The following CMSS1 variants were observed in gnomAD, a reference collection of about 807,000 sequenced individuals.
CMSS1 encodes the protein protein CMSS1.
CMSS1 carries 33 observed loss-of-function variants against 43.5 expected under a neutral mutation model. The observed-to-expected ratio is 0.76, with a 90% CI of 0.57 to 1.01. CMSS1 has a LOEUF of 1.01. Ranked by LOEUF, CMSS1 falls within the 50% of genes least tolerant of loss-of-function variation. The probability of loss-of-function intolerance (pLI) is 0.00; values close to 1 mark genes in which losing one functional copy is unlikely to be tolerated. For missense variants in CMSS1, 313 were observed against 326.4 expected (o/e 0.96, Z 0.32); for synonymous variants, 115 against 117.2 (o/e 0.98, Z 0.12).
intron 1 of CMSS1, among the ~76,000 whole-genome samples, chr3:99,843,088 A>G (rs186420645): frequency 6.6e-6 from 1 of 152,366 alleles, no homozygotes; most frequent in East Asian, 1.9e-4. Context: ...GAACCTTAGT[A>G]AACTACTTGT....
chr3:99,819,765 T>C (rs531434799), intron 1 of CMSS1, among the ~76,000 whole-genome samples: 1 of 151,610 alleles, frequency 6.6e-6, no homozygotes, highest in South Asian at 2.1e-4. Context: ...TTCTTTTTTT[T>C]TTTTTTTGAC....
chr3:100,014,895 C>CTTTTTTTT (rs1233573719), intron 1 of CMSS1, among the ~76,000 whole-genome samples: 40 of 25,008 alleles, frequency 1.6e-3, no homozygotes, highest in Non-Finnish European at 2.0e-3. Flanking sequence ...TTCTTTCTTT[C>CTTTTTTTT]TTTTTTTTTT....
intron 2 of CMSS1, among the ~76,000 whole-genome samples, chr3:100,157,622 C>T (rs2066987059): frequency 6.6e-6 from 1 of 152,212 alleles, no homozygotes; most frequent in Admixed American, 6.5e-5. Context: ...TCAGTAGTCT[C>T]CTGCCTGCAA....
In CMSS1 at chr3:100,147,265, CTT is replaced by C. The variant is rs71132514; in HGVS notation, c.153+226_153+227del. On this transcript the variant is annotated intron_variant, in intron 2 of 9. Transcript: ENST00000421999. ...TCTGTTTTTTGCCCTAATTCTTTTT[CTT>C]TTTTTTTTTTTTTTTTTTTTTGAGA... 5.4e-3 allele frequency among the ~76,000 whole-genome samples: 468 copies of C among 86,838 alleles called. 3 individuals carry two copies. The highest frequency in any genetic ancestry group is 0.018 in the African/African-American group (396 of 22,292). The allele number at this position is 86,838 out of a possible 152,430, so 57.0% of individuals were successfully genotyped here. A position where few individuals can be genotyped will look rare whatever the true frequency, so the allele number is the denominator to read the frequency against.
chr3:100,117,346 A>G (rs2066579620), intron 1 of CMSS1, among the ~76,000 whole-genome samples: 1 of 152,156 alleles, frequency 6.6e-6, no homozygotes, highest in Admixed American at 6.5e-5. Flanking sequence ...TGAAAGATTA[A>G]GTAATCTTTC....
chr3:99,847,291 A>C (rs1943408268), intron 1 of CMSS1, among the ~76,000 whole-genome samples: 1 of 151,936 alleles, frequency 6.6e-6, no homozygotes, highest in Non-Finnish European at 1.5e-5. Context: ...ACCTACATTA[A>C]GTAATTCAAA....
intron 1 of CMSS1, among the ~76,000 whole-genome samples, chr3:100,019,512 A>T (rs2064767726): frequency 6.6e-6 from 1 of 152,198 alleles, no homozygotes; most frequent in Non-Finnish European, 1.5e-5. Flanking sequence ...TTAATTTCTA[A>T]AAAGATTTTT....
intron 1 of CMSS1, among the ~76,000 whole-genome samples, chr3:100,034,758 A>G (rs1055526814): frequency 6.6e-6 from 1 of 152,216 alleles, no homozygotes; most frequent in Non-Finnish European, 1.5e-5. Flanking sequence ...AGTTTTCCTA[A>G]TGGGAAGGAG....
At chr3:99,867,655 G>T (rs1286276451) in intron 1 of CMSS1, among the ~76,000 whole-genome samples, 4 of 152,078 alleles carry the variant, frequency 2.6e-5, no homozygotes, top group African/African-American at 9.7e-5. Context: ...TGTCTCTAAG[G>T]TCTACAAAGC....
intron 1 of CMSS1, among the ~76,000 whole-genome samples, chr3:99,858,477 TA>T (rs958494185): frequency 1.3e-5 from 2 of 151,818 alleles, no homozygotes; most frequent in Non-Finnish European, 2.9e-5. Context: ...AAATAAAATT[TA>T]AAAAAAATCA....
chr3:100,035,696 G>T (rs2065096617), intron 1 of CMSS1, among the ~76,000 whole-genome samples: 1 of 152,138 alleles, frequency 6.6e-6, no homozygotes, highest in East Asian at 1.9e-4. Context: ...TGATATAGGG[G>T]TATTTCTTGA....
intron 2 of CMSS1, among the ~76,000 whole-genome samples, chr3:100,155,678 A>C (rs1576111965): frequency 1.3e-5 from 2 of 152,266 alleles, no homozygotes; most frequent in Non-Finnish European, 2.9e-5. Flanking sequence ...TACAGCCTTC[A>C]GTATCTGCAG....
At chr3:100,129,619 G>A (rs929656712) in intron 1 of CMSS1, among the ~76,000 whole-genome samples, 1 of 151,992 alleles carries the variant, frequency 6.6e-6, no homozygotes, top group African/African-American at 2.4e-5. Flanking sequence ...ATGCTTTTTT[G>A]TCTATTACCT....
chr3:100,142,464 A>T (rs2066813398), intron 1 of CMSS1, among the ~76,000 whole-genome samples: 1 of 152,232 alleles, frequency 6.6e-6, no homozygotes, highest in African/African-American at 2.4e-5. Flanking sequence ...CATAGGTTGT[A>T]TGCAAATATT....
chr3:100,117,929 A>G (rs1355199804), intron 1 of CMSS1, among the ~76,000 whole-genome samples: 1 of 148,006 alleles, frequency 6.8e-6, no homozygotes, highest in Non-Finnish European at 1.5e-5. Context: ...AAATTCTGAT[A>G]CATACTACAA....
chr3:100,139,778 C>T (rs926781717), intron 1 of CMSS1, among the ~76,000 whole-genome samples: 20 of 130,270 alleles, frequency 1.5e-4, no homozygotes, highest in Non-Finnish European at 3.2e-4. Flanking sequence ...GCCTGGGCGA[C>T]GAGAGCAAAA....
chr3:100,072,411 T>C (rs1262533606), intron 1 of CMSS1, among the ~76,000 whole-genome samples: 1 of 152,248 alleles, frequency 6.6e-6, no homozygotes, highest in Non-Finnish European at 1.5e-5. Flanking sequence ...GTAACAGAGT[T>C]GTCTCTGGCT....
intron 1 of CMSS1, among the ~76,000 whole-genome samples, chr3:100,094,949 A>T (rs1022510529): frequency 7.2e-5 from 11 of 151,934 alleles, no homozygotes; most frequent in Non-Finnish European, 4.4e-5. Context: ...CGGCCTCCCA[A>T]AGTGCTGGGA....
intron 1 of CMSS1, among the ~76,000 whole-genome samples, chr3:100,126,511 G>A (rs1194586726): frequency 6.6e-6 from 1 of 152,160 alleles, no homozygotes; most frequent in Non-Finnish European, 1.5e-5. Flanking sequence ...CCCATCAGTA[G>A]CAAATGTATA....
Sources: allele counts gnomAD v4.1 joint callset (sites outside exome capture counted in the v4.1 genomes callset), GRCh38; gene constraint gnomAD v4.1.1; transcripts MANE v1.5; gene names NCBI Gene and HGNC (gene_info 2026-07-23, HGNC 2026-07-21).